Variants in SATB1 observed in about 807,000 individuals in gnomAD.
The protein encoded by SATB1 is SATB homeobox 1.
In SATB1, 11 loss-of-function variants were observed where a neutral mutation model predicts 86.9. The observed-to-expected ratio is 0.13, with a 90% confidence interval of 0.08 to 0.21. The LOEUF is 0.21. Among genes scored for constraint, SATB1 ranks in the 10% least tolerant of loss-of-function variants. The probability of loss-of-function intolerance (pLI) is 1.00; values close to 1 mark genes in which losing one functional copy is unlikely to be tolerated. For missense variants in SATB1, 551 were observed against 937.6 expected (o/e 0.59, Z 5.39); for synonymous variants, 357 against 357.2 (o/e 1.00, Z 0.01).
intron 2 of SATB1, among the ~76,000 whole-genome samples, chr3:18,419,415 G>T (rs1432751349): frequency 6.6e-6 from 1 of 152,156 alleles, no homozygotes; most frequent in African/African-American, 2.4e-5. Flanking sequence ...TTTGCTGAAG[G>T]TTTATGAGCC....
intron 2 of SATB1, among the ~76,000 whole-genome samples, chr3:18,433,152 C>T (rs932484715): frequency 3.9e-5 from 6 of 152,146 alleles, no homozygotes; most frequent in Middle Eastern, 3.4e-3. Context: ...AAGAGAAAGG[C>T]GCATAGACAA....
At chr3:18,415,615 A>C (rs747543316) in intron 4 of SATB1, among the ~76,000 whole-genome samples, 2 of 152,132 alleles carry the variant, frequency 1.3e-5, no homozygotes, top group Non-Finnish European at 2.9e-5. Flanking sequence ...TAAATAAATA[A>C]GACTGTGGTA....
At chr3:18,359,579 G>C (rs1049866120) in intron 9 of SATB1, among the ~76,000 whole-genome samples, 1 of 151,898 alleles carries the variant, frequency 6.6e-6, no homozygotes, top group African/African-American at 2.4e-5. Context: ...TTTTAGGGTA[G>C]TTTAGTCAAA....
In SATB1 at chr3:18,351,327, C is replaced by T. The variant is rs116044839; in HGVS notation, c.1779+665G>A. 0.094 allele frequency: 145,209 copies of T among 1,546,994 alleles called. 7,672 individuals are homozygous for T. The highest frequency in any genetic ancestry group is 0.11 in the Middle Eastern group (653 of 5,976). Reference sequence around the variant, plus strand: ...TGCCCGCTCACCTGAGGAGCAGCACCGAGCCATGGTGCAGGGGTCGGCAGG... The same window carrying T: ...TGCCCGCTCACCTGAGGAGCAGCACTGAGCCATGGTGCAGGGGTCGGCAGG... On this transcript the variant is annotated intron_variant, in intron 10 of 10. Transcript: ENST00000338745.
chr3:18,436,464 G>A (rs1699062777), intron 2 of SATB1, among the ~76,000 whole-genome samples: 1 of 142,096 alleles, frequency 7.0e-6, no homozygotes, highest in Non-Finnish European at 1.5e-5. Flanking sequence ...ACCTAATACT[G>A]AAGGTCAGAC....
At chr3:18,360,131 G>A (rs907080932) in intron 9 of SATB1, among the ~76,000 whole-genome samples, 1 of 152,128 alleles carries the variant, frequency 6.6e-6, no homozygotes, top group Non-Finnish European at 1.5e-5. Context: ...ATCACACAGA[G>A]TTGATGTGAT....
intron 9 of SATB1, among the ~76,000 whole-genome samples, chr3:18,373,803 C>T (rs1181581088): frequency 6.6e-6 from 1 of 152,052 alleles, no homozygotes; most frequent in East Asian, 1.9e-4. Context: ...TTCTACTAGC[C>T]ATGTTATTTT....
intron 7 of SATB1, among the ~76,000 whole-genome samples, chr3:18,387,813 T>C (rs887022441): frequency 5.9e-5 from 9 of 152,180 alleles, no homozygotes; most frequent in Admixed American, 3.9e-4. Context: ...AGGTAACGTG[T>C]CATGTCAAAA....
intron 9 of SATB1, among the ~76,000 whole-genome samples, chr3:18,376,758 T>C (rs1002170296): frequency 6.6e-6 from 1 of 152,208 alleles, no homozygotes; most frequent in African/African-American, 2.4e-5. Context: ...ATACAAGCCA[T>C]GATTCATGAC....
Position 18,397,196 on chromosome 3 carries a change from T to G in SATB1, c.734A>C (p.Lys245Thr). 6.2e-7 allele frequency: 1 copy of G among 1,600,902 alleles called. No individual in the cohort carries two copies. ...EFGRWYKHFK[K>T]TKDMMVEMDS... ...TTGCTTACCCATCATATCTTTTGTC[T>G]TCTTGAAATGTTTGTACCACCTTCC... Residue 245 changes from lysine to threonine, a missense_variant, in exon 6 of 11, where the codon AAG becomes ACG. Coordinates refer to ENST00000338745, the MANE Select transcript of SATB1 (RefSeq NM_002971.6).
intron 2 of SATB1, among the ~76,000 whole-genome samples, chr3:18,430,774 A>G (rs1007515027): frequency 6.6e-6 from 1 of 152,248 alleles, no homozygotes; most frequent in African/African-American, 2.4e-5. Context: ...AGTTTTAGCT[A>G]GAATGATAGC....
intron 3 of SATB1, 107 bp from the exon 4 acceptor site, chr3:18,416,240 G>A (rs562660596): frequency 8.4e-5 from 64 of 765,214 alleles, no homozygotes; most frequent in African/African-American, 1.4e-4. Context: ...AAGCAGTACC[G>A]TTATTTCTGT....
chr3:18,361,865 A>C (rs1694919658), intron 9 of SATB1, among the ~76,000 whole-genome samples: 1 of 152,156 alleles, frequency 6.6e-6, no homozygotes, highest in Non-Finnish European at 1.5e-5. Flanking sequence ...ACACACATAT[A>C]TACATATAGA....
intron 9 of SATB1, among the ~76,000 whole-genome samples, chr3:18,376,134 A>G (rs1024760205): frequency 6.6e-6 from 1 of 152,136 alleles, no homozygotes; most frequent in African/African-American, 2.4e-5. Flanking sequence ...ATTATTAGCC[A>G]GTTGCTGCTA....
intron 5 of SATB1, among the ~76,000 whole-genome samples, chr3:18,398,179 A>C (rs1697061101): frequency 6.6e-6 from 1 of 152,152 alleles, no homozygotes; most frequent in Non-Finnish European, 1.5e-5. Context: ...ATGAAGAAAA[A>C]CATGATTTTA....
chr3:18,420,570 C>T (rs1327054507), intron 2 of SATB1, 187 bp downstream of exon 2: 2 of 599,396 alleles, frequency 3.3e-6, no homozygotes, highest in Non-Finnish European at 6.0e-6. Flanking sequence ...ACGCTCCACC[C>T]AAGCATGGAG....
chr3:18,401,478 C>A lies in SATB1; in HGVS notation c.640-4188G>T, dbSNP rs576181902. 1.6e-4 allele frequency among the ~76,000 whole-genome samples: 24 copies of A among 152,208 alleles called. No homozygotes were observed. The South Asian group carries it at 4.6e-3, about 29-fold the overall frequency. On this transcript the variant is annotated intron_variant, in intron 5 of 10. Coordinates refer to ENST00000338745, the MANE Select transcript of SATB1 (RefSeq NM_002971.6). ...TGGTTATGTTATTCCAGTTCTCTCT[C>A]AGTGTCTATTTATATAAGCTATCCA...
At chr3:18,357,246 T>C (rs554697378) in intron 9 of SATB1, among the ~76,000 whole-genome samples, 3 of 151,884 alleles carry the variant, frequency 2.0e-5, no homozygotes, top group South Asian at 2.1e-4. Context: ...TCAATCTAAA[T>C]AGGAAAGTAT....
intron 7 of SATB1, among the ~76,000 whole-genome samples, chr3:18,389,378 A>T (rs957653292): frequency 6.6e-6 from 1 of 151,940 alleles, no homozygotes; most frequent in African/African-American, 2.4e-5. Context: ...TAAAAAAAAA[A>T]GTCACTTTAG....
Sources: gnomAD v4.1 joint callset for allele counts (sites outside exome capture counted in the v4.1 genomes callset) on GRCh38, gnomAD v4.1.1 for gene constraint, MANE v1.5 for transcripts, NCBI Gene and HGNC (gene_info 2026-07-23, HGNC 2026-07-21) for gene names.